DOK6: variants seen among roughly 807,000 people sequenced by gnomAD.
DOK6 encodes downstream of tyrosine kinase 6.
DOK6 carries 22 observed loss-of-function variants against 44.0 expected under a neutral mutation model. That is an observed-to-expected ratio of 0.50 (90% CI 0.36 to 0.71). The LOEUF (loss-of-function observed/expected upper bound fraction) is 0.71. Ranked by LOEUF, DOK6 falls within the 30% of genes least tolerant of loss-of-function variation. The pLI, the probability that DOK6 is intolerant of heterozygous loss-of-function variation, is 0.00. For synonymous variants in DOK6, 166 were observed against 145.5 expected, an observed-to-expected ratio of 1.14 and a Z score of -1.01; for missense variants, 340 against 416.4, an observed-to-expected ratio of 0.82 and a Z score of 1.60.
At chr18:69,508,857 C>G (rs1981268339) in intron 1 of DOK6, among the ~76,000 whole-genome samples, 1 of 152,112 alleles carries the variant, frequency 6.6e-6, no homozygotes, top group Admixed American at 6.5e-5. Context: ...GTGATATAGA[C>G]AGAGTCTGAT....
intron 3 of DOK6, among the ~76,000 whole-genome samples, chr18:69,630,868 T>G (rs1029753527): frequency 5.3e-5 from 8 of 152,158 alleles, no homozygotes; most frequent in African/African-American, 1.7e-4. Context: ...AAGTATAAAT[T>G]TATAGGCATT....
chr18:69,606,824 C>T (rs1599218189), intron 3 of DOK6, among the ~76,000 whole-genome samples: 3 of 139,572 alleles, frequency 2.1e-5, no homozygotes, highest in African/African-American at 5.4e-5. Context: ...AGTGCAGTGG[C>T]GCAATCTCGG....
chr18:69,599,476 G>A lies in DOK6; in HGVS notation c.267G>A (p.Ser89=), dbSNP rs766192217. The change falls in exon 3 of 8, where the codon TCG becomes TCA. Residue 89 remains serine (S), a synonymous_variant. Transcript: ENST00000382713. The part of the protein sequence containing the change: ...AVAIIFHDET[S]KTFACESELE... ...CAATCATCTTTCACGATGAAACATC[G>A]AAGACATTTGCCTGTGAGTCAGGTA... 6 of 1,613,612 alleles carry A rather than the reference G, an allele frequency of 3.7e-6. No individual in the cohort carries two copies. In the African/African-American group the frequency reaches 6.7e-5, roughly 18 times the overall value.
intron 2 of DOK6, among the ~76,000 whole-genome samples, chr18:69,568,675 G>A (rs753234409): frequency 1.3e-5 from 2 of 152,276 alleles, no homozygotes; most frequent in Middle Eastern, 3.4e-3. Flanking sequence ...AGTGGGCAAG[G>A]GAGCAAAGCT....
chr18:69,755,205 G>A (rs540376917), intron 6 of DOK6, among the ~76,000 whole-genome samples: 2 of 152,208 alleles, frequency 1.3e-5, no homozygotes, highest in South Asian at 4.1e-4. Flanking sequence ...AGCAAATCAT[G>A]TGGAAGAGTT....
chr18:69,717,169 G>T (rs1023372240), intron 5 of DOK6, among the ~76,000 whole-genome samples: 1 of 152,206 alleles, frequency 6.6e-6, no homozygotes, highest in Non-Finnish European at 1.5e-5. Flanking sequence ...CAGGTGGAGA[G>T]ATTGACTCGT....
At chr18:69,730,379 C>A (rs993208438) in intron 5 of DOK6, among the ~76,000 whole-genome samples, 1 of 152,182 alleles carries the variant, frequency 6.6e-6, no homozygotes, top group Admixed American at 6.5e-5. Context: ...CAGATTTATA[C>A]TTAATTCAGC....
intron 7 of DOK6, among the ~76,000 whole-genome samples, chr18:69,798,871 T>C (rs891867333): frequency 1.3e-5 from 2 of 152,014 alleles, no homozygotes; most frequent in Non-Finnish European, 2.9e-5. Context: ...TTATCCTTCA[T>C]AGCAGAGAGG....
chr18:69,630,750 T>C (rs1478256039), intron 3 of DOK6, among the ~76,000 whole-genome samples: 2 of 152,234 alleles, frequency 1.3e-5, no homozygotes, highest in Non-Finnish European at 2.9e-5. Context: ...CAAATTATAC[T>C]GTGACTGCAT....
intron 1 of DOK6, among the ~76,000 whole-genome samples, chr18:69,561,344 C>G (rs567790917): frequency 1.3e-5 from 2 of 152,146 alleles, no homozygotes; most frequent in African/African-American, 4.8e-5. Context: ...TTTCCAAAAT[C>G]TGTTACCACT....
At chr18:69,828,741 A>G (rs534727240) in intron 7 of DOK6, among the ~76,000 whole-genome samples, 2 of 151,134 alleles carry the variant, frequency 1.3e-5, no homozygotes, top group African/African-American at 4.8e-5. Flanking sequence ...AAATTAAATG[A>G]TAGGCAGTTT....
intron 4 of DOK6, among the ~76,000 whole-genome samples, chr18:69,681,983 G>A (rs1413849726): frequency 6.6e-6 from 1 of 152,176 alleles, no homozygotes; most frequent in Admixed American, 6.5e-5. Flanking sequence ...AGACTGAAGG[G>A]TTTGCCTTTC....
intron 3 of DOK6, among the ~76,000 whole-genome samples, chr18:69,670,243 A>C (rs186798646): frequency 3.2e-4 from 49 of 152,286 alleles, no homozygotes; most frequent in Admixed American, 6.5e-4. Flanking sequence ...TTTGGTACAG[A>C]GAAACAGTTT....
At chr18:69,622,531 T>C (rs1028816320) in intron 3 of DOK6, among the ~76,000 whole-genome samples, 3 of 152,242 alleles carry the variant, frequency 2.0e-5, no homozygotes, top group African/African-American at 7.2e-5. Flanking sequence ...CTTCAAGCTA[T>C]ATTTTTCTGT....
In DOK6 at chr18:69,841,498, C is replaced by G; in HGVS notation, c.*115C>G. On this transcript the variant is annotated 3_prime_UTR_variant, in exon 8 of 8. Coordinates refer to ENST00000382713, the MANE Select transcript of DOK6 (RefSeq NM_152721.6). ...CAGTACAAATTGAAATGGGTCGGCTCTAGCCCCAGTCCCATTGGAAGGTTA... is the reference window on the plus strand; with the variant it reads ...CAGTACAAATTGAAATGGGTCGGCTGTAGCCCCAGTCCCATTGGAAGGTTA... 7.0e-7 allele frequency: 1 copy of G among 1,421,080 alleles called. No homozygotes were observed. Among genetic ancestry groups the G allele is most frequent in the East Asian group, 2.5e-5 (1 of 40,598 alleles). 88.0% of individuals were successfully genotyped at this position (1,421,080 alleles called of 1,614,324 possible).
intron 1 of DOK6, among the ~76,000 whole-genome samples, chr18:69,509,478 A>AT (rs1981293171): frequency 2.0e-5 from 3 of 152,094 alleles, no homozygotes; most frequent in Admixed American, 1.3e-4. Flanking sequence ...TCTACTAAAA[A>AT]ATAGAAAAAA....
chr18:69,504,287 T>G (rs1312195946), intron 1 of DOK6, among the ~76,000 whole-genome samples: 1 of 152,062 alleles, frequency 6.6e-6, no homozygotes, highest in Non-Finnish European at 1.5e-5. Flanking sequence ...AAGTCTTAAT[T>G]GAAACTGTCC....
Position 69,848,864 on chromosome 18 carries a change from A to T in DOK6, c.*7481A>T, listed in dbSNP as rs973858938. 6.6e-6 allele frequency: 1 copy of T among 152,244 alleles called. No individual in the cohort carries two copies. Among genetic ancestry groups the T allele is most frequent in the African/African-American group, 2.4e-5 (1 of 41,468 alleles). 9.4% of individuals were successfully genotyped at this position (152,244 alleles called of 1,614,324 possible). On this transcript the variant is annotated 3_prime_UTR_variant, in exon 8 of 8. Coordinates refer to ENST00000382713, the MANE Select transcript of DOK6 (RefSeq NM_152721.6). ...CAACTTTGCATGGCTGAGATTTTGA[A>T]CAACTAAATTGATGGTTTTACCCAC...
intron 7 of DOK6, among the ~76,000 whole-genome samples, chr18:69,804,422 T>C (rs1481725919): frequency 6.6e-6 from 1 of 152,126 alleles, no homozygotes; most frequent in Non-Finnish European, 1.5e-5. Flanking sequence ...GATGACAGAG[T>C]TTTCATAATC....
Sources: allele counts gnomAD v4.1 joint callset (sites outside exome capture counted in the v4.1 genomes callset), GRCh38; gene constraint gnomAD v4.1.1; transcripts MANE v1.5; gene names NCBI Gene and HGNC (gene_info 2026-07-23, HGNC 2026-07-21).